Variants in PTPRK observed in about 807,000 individuals in gnomAD.
PTPRK encodes the protein receptor-type tyrosine-protein phosphatase kappa.
Under a neutral mutation model 178.0 loss-of-function variants are expected in PTPRK, and 75 were observed. That is an observed-to-expected ratio of 0.42 (90% CI 0.35 to 0.51). The LOEUF (loss-of-function observed/expected upper bound fraction) is 0.51, where lower values mean the gene tolerates loss of function less well. Among genes scored for constraint, PTPRK ranks in the 20% least tolerant of loss-of-function variants. PTPRK has a pLI of 0.02. For synonymous variants in PTPRK, 637 were observed against 620.6 expected, an observed-to-expected ratio of 1.03 and a Z score of -0.39; for missense variants, 1,441 against 1,797.8, an observed-to-expected ratio of 0.80 and a Z score of 3.59.
At chr6:128,196,096 C>G (rs532259640) in intron 6 of PTPRK, among the ~76,000 whole-genome samples, 38 of 152,124 alleles carry the variant, frequency 2.5e-4, no homozygotes, top group Middle Eastern at 3.4e-3. Context: ...CAGGTTATTA[C>G]GTACTTCTAA....
At chr6:128,469,071 T>A (rs1030766990) in intron 1 of PTPRK, among the ~76,000 whole-genome samples, 4 of 152,162 alleles carry the variant, frequency 2.6e-5, no homozygotes, top group Non-Finnish European at 5.9e-5. Context: ...ACTTTTCACA[T>A]TTGTAGGAAA....
Position 128,173,950 on chromosome 6 carries a change from TACA to T in PTPRK, c.1162+10479_1162+10481del, listed in dbSNP as rs775304371. On this transcript the variant is annotated intron_variant, in intron 7 of 29. Transcript: ENST00000368226. ...TCATTCTTTAAAAAATGTATTCCCT[TACA>T]TAAAATATTTTAATGTATTAATTAA... Among the ~76,000 whole-genome samples, 750 of 152,096 alleles carry T rather than the reference TACA, an allele frequency of 4.9e-3. 5 individuals are homozygous for T. The highest frequency in any genetic ancestry group is 0.014 in the Middle Eastern group (4 of 294).
intron 1 of PTPRK, among the ~76,000 whole-genome samples, chr6:128,493,397 C>T (rs1395858832): frequency 2.0e-5 from 3 of 151,990 alleles, no homozygotes; most frequent in Non-Finnish European, 4.4e-5. Context: ...CCTGTCTCTA[C>T]TAAAAATACA....
intron 1 of PTPRK, among the ~76,000 whole-genome samples, chr6:128,489,781 A>G (rs942844240): frequency 1.3e-5 from 2 of 152,208 alleles, no homozygotes; most frequent in African/African-American, 4.8e-5. Flanking sequence ...AATTTGCAGG[A>G]AATGTTTAAT....
At chr6:128,133,829 G>A (rs1330594417) in intron 7 of PTPRK, among the ~76,000 whole-genome samples, 1 of 151,548 alleles carries the variant, frequency 6.6e-6, no homozygotes, top group Non-Finnish European at 1.5e-5. Flanking sequence ...TAGGATTACA[G>A]GCATCAGCCA....
intron 2 of PTPRK, among the ~76,000 whole-genome samples, chr6:128,323,177 A>G (rs1336669885): frequency 6.6e-6 from 1 of 152,112 alleles, no homozygotes; most frequent in Non-Finnish European, 1.5e-5. Flanking sequence ...TAGCTCACAT[A>G]TAGACTTTCC....
rs61106638 is a variant in PTPRK, at chr6:128,053,149, A to AAC, written c.2194+11607_2194+11608dup. ...CTGTCTCAGTGGACTATGTGTATGG[A>AAC]ACACACACACACACACACACACACA... On this transcript the variant is annotated intron_variant, in intron 13 of 29. Transcript: ENST00000368226. Among the ~76,000 whole-genome samples the AAC allele has an allele frequency of 6.3e-3, 913 of 145,012 alleles. 38 individuals carry two copies. The South Asian group carries it at 0.088, about 14-fold the overall frequency.
At chr6:127,995,634 T>C in intron 17 of PTPRK, 96 bp from the exon 18 acceptor site, 4 of 722,208 alleles carry the variant, frequency 5.5e-6, no homozygotes, top group South Asian at 2.0e-5. Context: ...TGGTTGCCCA[T>C]AGTCTATCCA....
At chr6:128,476,857 C>T (rs544623371) in intron 1 of PTPRK, among the ~76,000 whole-genome samples, 7 of 151,064 alleles carry the variant, frequency 4.6e-5, no homozygotes, top group African/African-American at 7.3e-5. Context: ...CAAATTTCAA[C>T]GAGTATGGGT....
chr6:128,102,395 G>A (rs927006672), intron 7 of PTPRK, among the ~76,000 whole-genome samples: 1 of 152,118 alleles, frequency 6.6e-6, no homozygotes, highest in Non-Finnish European at 1.5e-5. Context: ...GGAAAAAAGA[G>A]GTAAATAAAA....
chr6:128,493,220 A>G (rs138760438), intron 1 of PTPRK, among the ~76,000 whole-genome samples: 5 of 152,254 alleles, frequency 3.3e-5, no homozygotes, highest in Admixed American at 1.3e-4. Context: ...TAAAACTGCA[A>G]TTTTTAAAAA....
intron 7 of PTPRK, among the ~76,000 whole-genome samples, chr6:128,130,007 G>A (rs1237563587): frequency 6.6e-6 from 1 of 152,108 alleles, no homozygotes; most frequent in Non-Finnish European, 1.5e-5. Flanking sequence ...AGTTCTGAAT[G>A]TACTACTCTG....
chr6:128,341,473 T>C (rs56095177), intron 2 of PTPRK, among the ~76,000 whole-genome samples: 11,175 of 152,230 alleles, frequency 0.073, 434 homozygotes, highest in Non-Finnish European at 0.081. Context: ...AAAAGGTACA[T>C]TGGAATAAAA....
intron 2 of PTPRK, among the ~76,000 whole-genome samples, chr6:128,354,229 A>ATTTTTTTTTTTTTTTTTTTTTTT (rs1201996929): frequency 3.6e-5 from 1 of 27,748 alleles, no homozygotes; most frequent in East Asian, 1.1e-3. Context: ...TTTTTTGTTT[A>ATTTTTTTTTTTTTTTTTTTTTTT]TGTTTTTTTT....
At chr6:128,493,851 C>T (rs993710038) in intron 1 of PTPRK, among the ~76,000 whole-genome samples, 7 of 152,146 alleles carry the variant, frequency 4.6e-5, no homozygotes, top group African/African-American at 9.7e-5. Flanking sequence ...CCAACTTCTC[C>T]AGATACAGCC....
intron 3 of PTPRK, among the ~76,000 whole-genome samples, chr6:128,287,195 C>T (rs917857711): frequency 2.0e-5 from 3 of 152,142 alleles, no homozygotes; most frequent in Non-Finnish European, 2.9e-5. Flanking sequence ...AGGTTCCTCT[C>T]CCTCTGCCAG....
chr6:128,390,412 C>T (rs1181574023), intron 2 of PTPRK, among the ~76,000 whole-genome samples: 1 of 152,100 alleles, frequency 6.6e-6, no homozygotes, highest in Non-Finnish European at 1.5e-5. Context: ...CAATTCCAAA[C>T]AACAGTGAGT....
chr6:128,305,909 A>G (rs1022449066), intron 3 of PTPRK, among the ~76,000 whole-genome samples: 2 of 152,254 alleles, frequency 1.3e-5, no homozygotes, highest in African/African-American at 2.4e-5. Flanking sequence ...TTGTTCTAAC[A>G]CAGCTATGAA....
intron 7 of PTPRK, among the ~76,000 whole-genome samples, chr6:128,132,130 A>T (rs2114465075): frequency 6.6e-6 from 1 of 152,298 alleles, no homozygotes; most frequent in Admixed American, 6.5e-5. Context: ...AAATACTATA[A>T]AAGACAAAAG....
Sources: allele counts gnomAD v4.1 joint callset (sites outside exome capture counted in the v4.1 genomes callset), GRCh38; gene constraint gnomAD v4.1.1; transcripts MANE v1.5; gene names NCBI Gene and HGNC (gene_info 2026-07-23, HGNC 2026-07-21).